Variants in PPM1A observed in about 807,000 individuals in gnomAD.
The protein encoded by PPM1A is protein phosphatase, Mg2+/Mn2+ dependent 1A.
In PPM1A, 7 loss-of-function variants were observed where a neutral mutation model predicts 35.0. The observed-to-expected ratio is 0.20, with a 90% CI of 0.11 to 0.38. PPM1A has a LOEUF of 0.38. Among genes scored for constraint, PPM1A ranks in the 10% least tolerant of loss-of-function variants. The pLI is 1.00. For missense variants in PPM1A, 239 were observed against 467.8 expected (o/e 0.51, Z 4.51); for synonymous variants, 153 against 167.3 (o/e 0.91, Z 0.66).
rs1269027735 is a variant in PPM1A at position 60,289,396 on chromosome 14, ATTGT to A, written c.953-407_953-404del. On this transcript the variant is annotated intron_variant, in intron 3 of 5. Transcript: ENST00000395076. This position sits in a 1 kb window ranked among gnomAD's most constrained non-coding sequence, Gnocchi z 4.1. ...AGGGTTGTTATTTTCAAATCTTGAA[ATTGT>A]TTATTTTTTAAAATTCCACGCAGTG... is the stretch of plus-strand genomic sequence containing the variant. 3.9e-5 allele frequency among the ~76,000 whole-genome samples: 6 copies of A among 152,242 alleles called. No homozygotes were observed. Among genetic ancestry groups the A allele is most frequent in the East Asian group, 3.9e-4 (2 of 5,190 alleles).
chr14:60,265,272 GC>G (rs1278426646), intron 1 of PPM1A, among the ~76,000 whole-genome samples: 1 of 152,134 alleles, frequency 6.6e-6, no homozygotes, highest in Non-Finnish European at 1.5e-5. Flanking sequence ...GTTAGTAGTA[GC>G]TTTTTCTGGC....
upstream of PPM1A, chr14:60,246,089 G>C (rs945710759): frequency 8.6e-6 from 13 of 1,509,864 alleles, no homozygotes; most frequent in Non-Finnish European, 1.2e-5. Flanking sequence ...GTTCTGGTTG[G>C]CTTTCTAACT....
chr14:60,249,605 G>C lies in PPM1A; in HGVS notation c.-93G>C, dbSNP rs1882078876. ...CCCCGGCTGCCGCCGTCGCCGCCGC[G>C]GTGACCCCCTCCCCGGCTGCCGCCG... On this transcript the variant is annotated 5_prime_UTR_variant, in exon 1 of 6. Coordinates refer to ENST00000395076, the MANE Select transcript of PPM1A (RefSeq NM_021003.5). The surrounding 1 kb of genome is among the most constrained non-coding windows in gnomAD (Gnocchi z 4.5). 1.0e-6 allele frequency: 1 copy of C among 986,954 alleles called. No homozygotes were observed. The highest frequency in any genetic ancestry group is 1.2e-6 in the Non-Finnish European group (1 of 831,830). 61.1% of individuals were successfully genotyped at this position (986,954 alleles called of 1,614,324 possible).
chr14:60,247,094 G>A (rs150213507), upstream of PPM1A, among the ~76,000 whole-genome samples: 41 of 152,280 alleles, frequency 2.7e-4, no homozygotes, highest in Non-Finnish European at 4.4e-4. Context: ...GTTGCCATAT[G>A]AGCTTTTGTA....
chr14:60,266,706 C>A (rs1354952721), intron 1 of PPM1A, among the ~76,000 whole-genome samples: 1 of 152,076 alleles, frequency 6.6e-6, no homozygotes, highest in Non-Finnish European at 1.5e-5. Context: ...CTCTTAAATA[C>A]TATAATTTGG....
intron 4 of PPM1A, 94 bp from the exon 5 acceptor site, chr14:60,291,303 T>G (rs1044513709): frequency 2.4e-6 from 2 of 842,320 alleles, no homozygotes; most frequent in Non-Finnish European, 3.6e-6. Flanking sequence ...GAGTATAAGA[T>G]TATCTTAGAA....
Position 60,292,179 on chromosome 14 carries a change from A to G in PPM1A, c.1120-274A>G, listed in dbSNP as rs1887696260. Reference sequence around the variant, plus strand: ...ATTTCATTAAAAAATTCTTTTTAGTAGATTTATTGATTGAGTAATACATTT... The same window carrying G: ...ATTTCATTAAAAAATTCTTTTTAGTGGATTTATTGATTGAGTAATACATTT... On this transcript the variant is annotated intron_variant, in intron 5 of 5. Coordinates refer to ENST00000395076, the MANE Select transcript of PPM1A (RefSeq NM_021003.5). The surrounding 1 kb of genome is among the most constrained non-coding windows in gnomAD (Gnocchi z 4.2). 6.6e-6 allele frequency among the ~76,000 whole-genome samples: 1 copy of G among 151,934 alleles called. No individual in the cohort carries two copies. Among genetic ancestry groups the G allele is most frequent in the Admixed American group, 6.6e-5 (1 of 15,260 alleles).
chr14:60,245,761 T>C (rs2139281185), upstream of PPM1A: 12 of 1,219,220 alleles, frequency 9.8e-6, no homozygotes, highest in South Asian at 1.6e-4. This position sits in a 1 kb window ranked among gnomAD's most constrained non-coding sequence, Gnocchi z 4.2. Flanking sequence ...TAATGTATTA[T>C]GATGTAGGGG....
intron 1 of PPM1A, among the ~76,000 whole-genome samples, chr14:60,254,052 T>G (rs910689668): frequency 2.0e-5 from 3 of 152,218 alleles, no homozygotes; most frequent in Non-Finnish European, 4.4e-5. Context: ...TTTGAGATCT[T>G]TTCTACCATG....
chr14:60,245,958 A>G, upstream of PPM1A: 1 of 1,578,688 alleles, frequency 6.3e-7, no homozygotes, highest in Non-Finnish European at 8.6e-7. The surrounding 1 kb of genome is among the most constrained non-coding windows in gnomAD (Gnocchi z 4.2). Flanking sequence ...CAAAAAGAGA[A>G]GAGAAGAAAA....
chr14:60,247,542 A>G (rs1881863202), upstream of PPM1A, among the ~76,000 whole-genome samples: 1 of 147,396 alleles, frequency 6.8e-6, no homozygotes, highest in South Asian at 2.3e-4. Context: ...AGGCAGGAGA[A>G]TGGCATGAAC....
At chr14:60,290,252 TTAGTAG>T (rs1362072898) in intron 4 of PPM1A, among the ~76,000 whole-genome samples, 1 of 152,142 alleles carries the variant, frequency 6.6e-6, no homozygotes, top group Non-Finnish European at 1.5e-5. Context: ...AGTGTCGTTG[TTAGTAG>T]TAGTATAATT....
intron 1 of PPM1A, among the ~76,000 whole-genome samples, chr14:60,274,899 CT>C (rs1885574475): frequency 6.6e-6 from 1 of 151,358 alleles, no homozygotes; most frequent in Admixed American, 6.6e-5. Flanking sequence ...CTCTTTTCAA[CT>C]TCTGAATTAA....
intron 1 of PPM1A, among the ~76,000 whole-genome samples, chr14:60,257,977 A>G (rs1043164164): frequency 1.2e-4 from 19 of 152,172 alleles, no homozygotes; most frequent in African/African-American, 4.3e-4. Context: ...GACAGCCTGT[A>G]AGACTGTTTT....
chr14:60,268,819 A>C (rs1020455396), intron 1 of PPM1A, among the ~76,000 whole-genome samples: 1 of 152,016 alleles, frequency 6.6e-6, no homozygotes, highest in Admixed American at 6.5e-5. Flanking sequence ...CAATGCAAAA[A>C]ACTGGTGTAG....
chr14:60,291,283 AATAAT>A, intron 4 of PPM1A, 109 bp from the exon 5 acceptor site: 2 of 669,394 alleles, frequency 3.0e-6, no homozygotes, highest in Non-Finnish European at 2.4e-6. Context: ...ATAGAACTAA[AATAAT>A]ATCTGAGTAT....
At chr14:60,286,545 A>G (rs2139564360) in intron 3 of PPM1A, 1 of 985,324 alleles carries the variant, frequency 1.0e-6, no homozygotes, top group Middle Eastern at 5.2e-4. Context: ...AAAATTTTAA[A>G]AATAGCGTTA....
rs1364607536 is a variant in PPM1A at position 60,282,352 on chromosome 14, TC to T, written c.-20-330del. ...CTTAATTGATATACATACAACTTAG[TC>T]CTGAGCTTACACATGTTCATTGTAT... is the stretch of plus-strand genomic sequence containing the variant. On this transcript the variant is annotated intron_variant, in intron 1 of 5. Transcript: ENST00000395076. This position sits in a 1 kb window ranked among gnomAD's most constrained non-coding sequence, Gnocchi z 5.1. Among the ~76,000 whole-genome samples the T allele has an allele frequency of 1.3e-5, 2 of 152,252 alleles. No homozygotes were observed. Among genetic ancestry groups the T allele is most frequent in the Non-Finnish European group, 2.9e-5 (2 of 68,042 alleles).
upstream of PPM1A, chr14:60,245,887 A>C (rs370221346): frequency 2.5e-6 from 4 of 1,592,150 alleles, no homozygotes; most frequent in African/African-American, 5.4e-5. This position sits in a 1 kb window ranked among gnomAD's most constrained non-coding sequence, Gnocchi z 4.2. Context: ...AGAAGCTACA[A>C]TTTGTACTAA....
Sources: allele counts gnomAD v4.1 joint callset (sites outside exome capture counted in the v4.1 genomes callset), GRCh38; gene constraint gnomAD v4.1.1; non-coding constraint Gnocchi (gnomAD v3.1); transcripts MANE v1.5; gene names NCBI Gene and HGNC (gene_info 2026-07-23, HGNC 2026-07-21).